The following ZNF532 variants were observed in gnomAD, a reference collection of about 807,000 sequenced individuals.
ZNF532 encodes zinc finger protein 532.
In ZNF532, 22 loss-of-function variants were observed where a neutral mutation model predicts 89.3. The observed-to-expected ratio is 0.25, with a 90% CI of 0.18 to 0.35. The LOEUF is 0.35. ZNF532 is among the 10% of genes least tolerant of loss of function. ZNF532 has a pLI of 1.00. For synonymous variants in ZNF532, 606 were observed against 649.6 expected (o/e 0.93, Z 1.02); for missense variants, 1,132 against 1,643.4 (o/e 0.69, Z 5.38).
At chr18:58,872,836 A>G (rs372471142) in intron 2 of ZNF532, among the ~76,000 whole-genome samples, 19 of 151,522 alleles carry the variant, frequency 1.3e-4, no homozygotes, top group African/African-American at 4.4e-4. Context: ...AGTAGCTGGG[A>G]TTACAGGCAT....
chr18:58,962,390 T>G (rs1165487413), intron 7 of ZNF532, among the ~76,000 whole-genome samples: 1 of 152,220 alleles, frequency 6.6e-6, no homozygotes, highest in African/African-American at 2.4e-5. Context: ...ACCAAGTCTC[T>G]GTGGAAAGCA....
intron 2 of ZNF532, among the ~76,000 whole-genome samples, chr18:58,880,997 A>C (rs1227608586): frequency 6.6e-6 from 1 of 152,134 alleles, no homozygotes; most frequent in African/African-American, 2.4e-5. Context: ...ACTTCACTTG[A>C]AGTTTCAAAT....
intron 2 of ZNF532, among the ~76,000 whole-genome samples, chr18:58,879,740 C>A (rs1156637174): frequency 1.3e-5 from 2 of 152,160 alleles, no homozygotes; most frequent in African/African-American, 4.8e-5. Context: ...ACATTAAAAA[C>A]AACACTGTTG....
At chr18:58,977,284 T>C (rs559123826) in intron 7 of ZNF532, among the ~76,000 whole-genome samples, 8 of 152,304 alleles carry the variant, frequency 5.3e-5, no homozygotes, top group Admixed American at 2.6e-4. Flanking sequence ...TCCTGAGCGA[T>C]GTGTCCCATG....
upstream of ZNF532, chr18:58,863,898 C>G (rs1359705643): frequency 1.3e-5 from 2 of 152,074 alleles, no homozygotes; most frequent in Non-Finnish European, 2.9e-5. Context: ...CCGGGGTGAG[C>G]GCGTGAGGCT....
intron 7 of ZNF532, among the ~76,000 whole-genome samples, chr18:58,962,716 C>T (rs1479724731): frequency 6.6e-6 from 1 of 152,076 alleles, no homozygotes; most frequent in Admixed American, 6.6e-5. Flanking sequence ...ATTCTCCTGC[C>T]TCAGCCTCCT....
intron 3 of ZNF532, among the ~76,000 whole-genome samples, chr18:58,921,352 T>G (rs1260003199): frequency 6.6e-6 from 1 of 152,218 alleles, no homozygotes; most frequent in Non-Finnish European, 1.5e-5. Flanking sequence ...AAATACTTAC[T>G]GTTATTTATT....
intron 3 of ZNF532, among the ~76,000 whole-genome samples, chr18:58,932,172 A>T (rs1232159420): frequency 6.6e-6 from 1 of 152,166 alleles, no homozygotes; most frequent in Non-Finnish European, 1.5e-5. Flanking sequence ...TGTAGTCCCT[A>T]TGCCTCCCTC....
At chr18:58,902,923 A>G (rs370761817) in intron 2 of ZNF532, among the ~76,000 whole-genome samples, 13 of 152,338 alleles carry the variant, frequency 8.5e-5, no homozygotes, top group African/African-American at 2.6e-4. Flanking sequence ...GAAGTACCCA[A>G]GAATCCCCTC....
intron 6 of ZNF532, among the ~76,000 whole-genome samples, chr18:58,949,536 C>T (rs1048576825): frequency 4.5e-4 from 68 of 152,176 alleles, no homozygotes; most frequent in African/African-American, 1.4e-3. Flanking sequence ...ATCAGCTGGG[C>T]GTGGTGGTAC....
At chr18:58,946,289 T>G (rs1166055712) in intron 5 of ZNF532, among the ~76,000 whole-genome samples, 3 of 136,070 alleles carry the variant, frequency 2.2e-5, no homozygotes, top group Non-Finnish European at 4.6e-5. Context: ...AATCTTCATA[T>G]AGTTTTTTTT....
At position 58,888,448 on chromosome 18, in the gene ZNF532, G is replaced by A. The variant is rs2058455825; in HGVS notation, c.-18+22869G>A. 2.6e-5 allele frequency among the ~76,000 whole-genome samples: 4 copies of A among 151,504 alleles called. No individual in the cohort carries two copies. In the South Asian group the frequency reaches 8.3e-4, roughly 31 times the overall value. On this transcript the variant is annotated intron_variant, in intron 2 of 9. Transcript: ENST00000591808. ...CCCAACATTTTGGGAGGCCAAGGTG[G>A]GTGGATCACCTGAGGTCAGGAGGTC...
chr18:58,926,739 G>A (rs1324172459), intron 3 of ZNF532, among the ~76,000 whole-genome samples: 2 of 152,126 alleles, frequency 1.3e-5, no homozygotes, highest in Non-Finnish European at 1.5e-5. Flanking sequence ...GTGAGGACAC[G>A]TTCATCACTA....
chr18:58,949,919 G>A (rs1006425670), intron 6 of ZNF532, among the ~76,000 whole-genome samples: 2 of 152,154 alleles, frequency 1.3e-5, no homozygotes, highest in African/African-American at 4.8e-5. Flanking sequence ...AAAAGCATGG[G>A]AGATGCATTT....
chr18:58,914,843 T>C (rs1177980010), intron 2 of ZNF532, among the ~76,000 whole-genome samples: 1 of 152,228 alleles, frequency 6.6e-6, no homozygotes, highest in African/African-American at 2.4e-5. Context: ...TTCTATTTTA[T>C]CTTTTAAAAG....
intron 3 of ZNF532, chr18:58,926,100 G>A (rs1270978760): frequency 6.6e-6 from 1 of 152,084 alleles, no homozygotes; most frequent in Admixed American, 6.5e-5. Flanking sequence ...TTAGAATAAT[G>A]TTGTGTGTTT....
At chr18:58,896,781 C>G (rs908834957) in intron 2 of ZNF532, among the ~76,000 whole-genome samples, 2 of 152,104 alleles carry the variant, frequency 1.3e-5, no homozygotes, top group African/African-American at 4.8e-5. Flanking sequence ...AAAGACCAAT[C>G]GATTGGAAGG....
At chr18:58,975,816 A>C (rs909033527) in intron 7 of ZNF532, among the ~76,000 whole-genome samples, 1 of 152,192 alleles carries the variant, frequency 6.6e-6, no homozygotes, top group African/African-American at 2.4e-5. Context: ...TTTAAAAACA[A>C]AGTAACTCAG....
rs200325389 is a variant in ZNF532, at chr18:58,920,671, G to T, written c.2346+38G>T. The stretch of plus-strand genomic sequence containing the variant: ...TTAAATTTTTGTGTTTCAGTGATGA[G>T]TCTGTAGGCATGAGTGCTTGATAAG... On this transcript the variant is annotated intron_variant, in intron 3 of 9. Coordinates refer to ENST00000591808, the MANE Select transcript of ZNF532 (RefSeq NM_001375912.1). The T allele has an allele frequency of 9.2e-5, 141 of 1,529,874 alleles. 1 individual carries two copies. The East Asian group carries it at 1.8e-3, about 20-fold the overall frequency. The allele number at this position is 1,529,874 out of a possible 1,614,324, so 94.8% of individuals were successfully genotyped here.
Sources: allele counts gnomAD v4.1 joint callset (sites outside exome capture counted in the v4.1 genomes callset), GRCh38; gene constraint gnomAD v4.1.1; transcripts MANE v1.5; gene names NCBI Gene and HGNC (gene_info 2026-07-23, HGNC 2026-07-21).